The following ADGRG6 variants were observed in gnomAD, a reference collection of about 807,000 sequenced individuals.
The protein encoded by ADGRG6 is G-protein coupled receptor 126.
Under a neutral mutation model 142.4 loss-of-function variants are expected in ADGRG6, and 84 were observed. The ratio of observed to expected loss-of-function variants is 0.59; its 90% CI spans 0.49 to 0.71. ADGRG6 has a LOEUF of 0.71. Ranked by LOEUF, ADGRG6 falls within the 30% of genes least tolerant of loss-of-function variation. ADGRG6 has a pLI of 0.00. For missense variants in ADGRG6, 1,367 were observed against 1,466.6 expected, an observed-to-expected ratio of 0.93 and a Z score of 1.11; for synonymous variants, 521 against 520.5, an observed-to-expected ratio of 1.00 and a Z score of -0.01.
intron 22 of ADGRG6, among the ~76,000 whole-genome samples, chr6:142,422,173 T>G (rs1776685851): frequency 6.6e-6 from 1 of 152,124 alleles, no homozygotes; most frequent in Non-Finnish European, 1.5e-5. Context: ...CTCTTTTTTT[T>G]TTTATTATAC....
intron 1 of ADGRG6, among the ~76,000 whole-genome samples, chr6:142,304,680 G>A (rs1160138736): frequency 2.6e-5 from 4 of 152,234 alleles, no homozygotes; most frequent in Middle Eastern, 3.4e-3. Flanking sequence ...CAGAGTTTAC[G>A]TTTCTGATGG....
chr6:142,430,887 C>T (rs1261704727), intron 22 of ADGRG6, among the ~76,000 whole-genome samples: 2 of 152,114 alleles, frequency 1.3e-5, no homozygotes, highest in Non-Finnish European at 2.9e-5. Context: ...CTGAGCCAGC[C>T]TTGGCCCGTA....
intron 4 of ADGRG6, among the ~76,000 whole-genome samples, chr6:142,379,223 A>G (rs1168835703): frequency 6.6e-6 from 1 of 152,090 alleles, no homozygotes; most frequent in Non-Finnish European, 1.5e-5. Context: ...AAATTAGCAA[A>G]ACGTCCTCTA....
chr6:142,402,239 G>A (rs1775560538), intron 12 of ADGRG6, among the ~76,000 whole-genome samples, 181 bp downstream of exon 12: 1 of 152,138 alleles, frequency 6.6e-6, no homozygotes, highest in African/African-American at 2.4e-5. Flanking sequence ...TTTCTGTTCT[G>A]TAGGGGATTA....
At chr6:142,375,922 C>T (rs1469437805) in intron 4 of ADGRG6, among the ~76,000 whole-genome samples, 1 of 151,854 alleles carries the variant, frequency 6.6e-6, no homozygotes, top group Non-Finnish European at 1.5e-5. Flanking sequence ...AATACTCTAA[C>T]GATTTTAGTA....
chr6:142,354,384 A>G lies in ADGRG6; in HGVS notation c.104-13185A>G, dbSNP rs572204841. ...GGTGACAGAGCGAGTCTCTATCTCA[A>G]AAACAAACAAACAAACAAACAAAAA... On this transcript the variant is annotated intron_variant, in intron 2 of 24. Coordinates refer to ENST00000367609, the MANE Select transcript of ADGRG6 (RefSeq NM_198569.3). Among the ~76,000 whole-genome samples the G allele has an allele frequency of 4.6e-5, 7 of 152,276 alleles. No homozygotes were observed. In the East Asian group the frequency reaches 1.4e-3, roughly 29 times the overall value.
rs373686565 is a variant in ADGRG6 at position 142,415,927 on chromosome 6, C to T, written c.2801C>T (p.Ala934Val). ...FNVDGLCIAV[A>V]VLLHFFLLAT... ...GTGGATGGACTTTGCATTGCTGTTG[C>T]AGTCCTGTTGCATTTCTTCCTTCTG... Residue 934 changes from alanine (A) to valine (V), a missense_variant, in exon 20 of 25, where the codon GCA (alanine) becomes GTA (valine). Ala to Val is a moderately conservative substitution (Grantham distance 64). Transcript: ENST00000367609. 6.2e-7 allele frequency: 1 copy of T among 1,613,466 alleles called. No homozygotes were observed. The highest frequency in any genetic ancestry group is 2.2e-5 in the East Asian group (1 of 44,882).
chr6:142,330,365 T>C (rs1316592926), intron 2 of ADGRG6, among the ~76,000 whole-genome samples: 3 of 152,102 alleles, frequency 2.0e-5, no homozygotes, highest in Non-Finnish European at 4.4e-5. Flanking sequence ...AAATAAAATG[T>C]GGAAAAAAAA....
At chr6:142,373,197 C>T (rs1781335657) in intron 4 of ADGRG6, among the ~76,000 whole-genome samples, 1 of 152,100 alleles carries the variant, frequency 6.6e-6, no homozygotes, top group African/African-American at 2.4e-5. Flanking sequence ...TAGAGCTGTG[C>T]TCTTCTAACC....
chr6:142,333,672 A>C (rs1779176549), intron 2 of ADGRG6, among the ~76,000 whole-genome samples: 1 of 152,124 alleles, frequency 6.6e-6, no homozygotes, highest in Admixed American at 6.6e-5. Context: ...TTTGAGCTTC[A>C]AGGTCTGAGA....
intron 22 of ADGRG6, among the ~76,000 whole-genome samples, chr6:142,435,248 T>C (rs1174451876): frequency 2.0e-5 from 3 of 152,140 alleles, no homozygotes; most frequent in African/African-American, 7.2e-5. Flanking sequence ...CAGTGCCTCC[T>C]GCTTAGCAGC....
intron 2 of ADGRG6, among the ~76,000 whole-genome samples, chr6:142,341,552 G>C (rs866278024): frequency 1.6e-4 from 17 of 109,402 alleles, no homozygotes; most frequent in Middle Eastern, 4.2e-3. Context: ...ATAATATATA[G>C]TATATATACT....
In ADGRG6 at chr6:142,408,398, G is replaced by C; in HGVS notation, c.2388+129G>C. 8.4e-6 allele frequency: 5 copies of C among 595,140 alleles called. No homozygotes were observed. In the South Asian group the frequency reaches 1.1e-4, roughly 14 times the overall value. 36.9% of individuals were successfully genotyped at this position (595,140 alleles called of 1,614,324 possible). A position where few individuals can be genotyped will look rare whatever the true frequency, so the allele number is the denominator to read the frequency against. ...GGAGTAGGGCCCAGTTTTCTATAAA[G>C]AGAGAACAACTGATCAGGTAGTGCT... On this transcript the variant is annotated intron_variant, in intron 16 of 24. Transcript: ENST00000367609.
chr6:142,313,999 G>T (rs999902592), intron 2 of ADGRG6, among the ~76,000 whole-genome samples: 2 of 152,164 alleles, frequency 1.3e-5, no homozygotes, highest in South Asian at 4.1e-4. Flanking sequence ...GTGTGTATGT[G>T]TGTTTCACTC....
intron 8 of ADGRG6, 84 bp from the exon 9 acceptor site, chr6:142,393,812 C>T (rs1775030792): frequency 5.0e-6 from 4 of 801,272 alleles, no homozygotes; most frequent in East Asian, 2.7e-5. Context: ...CCCATTCTGT[C>T]TCTTTATTTC....
chr6:142,383,828 G>A lies in ADGRG6; in HGVS notation c.1207G>A (p.Asp403Asn), dbSNP rs370831198. 5.2e-6 allele frequency: 8 copies of A among 1,535,506 alleles called. No individual in the cohort carries two copies. The highest frequency in any genetic ancestry group is 4.5e-5 in the East Asian group (2 of 44,438). ...TTNMPVTNRIDKQRNDGIIYR... is the reference protein window; with the variant it reads ...TTNMPVTNRINKQRNDGIIYR... Reference sequence around the variant, plus strand: ...TAACATGCCTGTTACTAACAGAATCGATAAACAAAGGAATGGTAAGAAATC... The same window carrying A: ...TAACATGCCTGTTACTAACAGAATCAATAAACAAAGGAATGGTAAGAAATC... The change falls in exon 6 of 25, where the codon GAT becomes AAT. Residue 403 changes from aspartate to asparagine, a missense_variant. Asp to Asn is a conservative substitution (Grantham distance 23). Transcript: ENST00000367609.
chr6:142,365,926 G>A (rs938480001), intron 2 of ADGRG6, among the ~76,000 whole-genome samples: 1 of 152,158 alleles, frequency 6.6e-6, no homozygotes, highest in African/African-American at 2.4e-5. Context: ...CAGTAAAAGA[G>A]GGAGGGATAT....
intron 2 of ADGRG6, among the ~76,000 whole-genome samples, chr6:142,359,158 G>GATTGTACCAGT (rs1780596681): frequency 7.1e-6 from 1 of 140,860 alleles, no homozygotes; most frequent in South Asian, 2.4e-4. Context: ...AGTGAGCCAT[G>GATTGTACCAGT]ATTGTACCAG....
intron 2 of ADGRG6, among the ~76,000 whole-genome samples, chr6:142,321,294 C>CAG (rs1562310156): frequency 1.3e-5 from 2 of 151,356 alleles, no homozygotes; most frequent in African/African-American, 4.9e-5. Flanking sequence ...CATACACACA[C>CAG]ACACACACAC....
Sources: allele counts gnomAD v4.1 joint callset (sites outside exome capture counted in the v4.1 genomes callset), GRCh38; gene constraint gnomAD v4.1.1; transcripts MANE v1.5; gene names NCBI Gene and HGNC (gene_info 2026-07-23, HGNC 2026-07-21).